The following ATP10B variants were observed in gnomAD, a reference collection of about 807,000 sequenced individuals.
ATP10B encodes ATPase phospholipid transporting 10B (putative).
A neutral mutation model predicts 141.2 loss-of-function variants in ATP10B; 122 were observed. The ratio of observed to expected loss-of-function variants is 0.86; its 90% CI spans 0.75 to 1.00. The LOEUF is 1.00. Among genes scored for constraint, ATP10B ranks in the 50% least tolerant of loss-of-function variants. The pLI is 0.00. For missense variants in ATP10B, 1,876 were observed against 1,825.3 expected, an observed-to-expected ratio of 1.03 and a Z score of -0.51; for synonymous variants, 685 against 692.0, an observed-to-expected ratio of 0.99 and a Z score of 0.16.
chr5:160,675,744 G>A (rs1459453317), intron 6 of ATP10B, among the ~76,000 whole-genome samples: 1 of 152,002 alleles, frequency 6.6e-6, no homozygotes, highest in Non-Finnish European at 1.5e-5. Flanking sequence ...GAGAGGCTTT[G>A]AATCCTGGCT....
chr5:160,574,724 C>CT (rs896071652), intron 24 of ATP10B, among the ~76,000 whole-genome samples: 4 of 151,326 alleles, frequency 2.6e-5, no homozygotes, highest in South Asian at 2.1e-4. Flanking sequence ...CATCCTAGTG[C>CT]TTTTTTTGCC....
At chr5:160,887,212 C>A in the ATP10B span, among the ~76,000 whole-genome samples, 16 of 152,106 alleles carry the variant, frequency 1.1e-4, no homozygotes, top group Non-Finnish European at 2.2e-4. Context: ...ATGCTCAAGT[C>A]CTTGATATAA....
chr5:160,620,701 C>T lies in ATP10B; in HGVS notation c.2062G>A (p.Gly688Ser). The T allele has an allele frequency of 1.9e-6, 3 of 1,614,178 alleles. No homozygotes were observed. The highest frequency in any genetic ancestry group is 2.5e-6 in the Non-Finnish European group (3 of 1,180,006). ...GGYRSSMWDQ[G>S]DILESGSGTS... ...CCTGACCCAGACTCCAGGATGTCGC[C>T]CTGGTCCCACATGCTGCTCCTGTAG... Residue 688 changes from glycine to serine, a missense_variant, in exon 15 of 26, where the codon GGC becomes AGC. Physicochemically the swap from Gly to Ser is moderately conservative, Grantham distance 56. Coordinates refer to ENST00000327245, the MANE Select transcript of ATP10B (RefSeq NM_025153.3).
At chr5:160,927,950 G>A in the ATP10B span, among the ~76,000 whole-genome samples, 1 of 152,190 alleles carries the variant, frequency 6.6e-6, no homozygotes, top group Non-Finnish European at 1.5e-5. Context: ...CTAATATTGG[G>A]AAAAGCCAAG....
upstream of ATP10B, among the ~76,000 whole-genome samples, chr5:160,853,119 T>C (rs944240162): frequency 1.3e-5 from 2 of 152,196 alleles, no homozygotes; most frequent in African/African-American, 2.4e-5. Flanking sequence ...ATCTAAAATC[T>C]GCATCGCTGT....
intron 10 of ATP10B, among the ~76,000 whole-genome samples, chr5:160,638,555 C>T (rs941458785): frequency 6.6e-6 from 1 of 152,110 alleles, no homozygotes; most frequent in East Asian, 1.9e-4. Context: ...TGTGAGCCAG[C>T]CTCAAGTGGA....
At chr5:160,639,604 C>T (rs933937479) in intron 10 of ATP10B, among the ~76,000 whole-genome samples, 2 of 152,178 alleles carry the variant, frequency 1.3e-5, no homozygotes, top group African/African-American at 4.8e-5. Context: ...AGCCTTCCTT[C>T]AGAGCCTCTA....
At chr5:160,922,314 T>C in the ATP10B span, among the ~76,000 whole-genome samples, 1 of 152,218 alleles carries the variant, frequency 6.6e-6, no homozygotes, top group African/African-American at 2.4e-5. Context: ...TTTCTTCATG[T>C]GCAAAATGTA....
intron 3 of ATP10B, among the ~76,000 whole-genome samples, chr5:160,714,899 T>C (rs1280601313): frequency 6.8e-6 from 1 of 146,514 alleles, no homozygotes; most frequent in Non-Finnish European, 1.5e-5. Flanking sequence ...GTGGCCCTGC[T>C]GGGGGGTGCC....
intron 1 of ATP10B, among the ~76,000 whole-genome samples, chr5:160,788,610 G>C (rs950168702): frequency 1.2e-4 from 19 of 152,212 alleles, no homozygotes; most frequent in Non-Finnish European, 2.5e-4. Context: ...TCAACTCCCT[G>C]CCTCTCTTCT....
chr5:160,911,721 G>T, the ATP10B span, among the ~76,000 whole-genome samples: 1 of 152,204 alleles, frequency 6.6e-6, no homozygotes. Flanking sequence ...CAGGAGGTCT[G>T]AGAGGGGAAG....
At chr5:160,590,217 A>G (rs972901364) in intron 23 of ATP10B, among the ~76,000 whole-genome samples, 2 of 152,114 alleles carry the variant, frequency 1.3e-5, no homozygotes, top group African/African-American at 4.8e-5. Context: ...CGGTTTGTAG[A>G]ACTCCAGAGT....
At chr5:160,808,869 T>C (rs543591874) in intron 1 of ATP10B, among the ~76,000 whole-genome samples, 1 of 152,336 alleles carries the variant, frequency 6.6e-6, no homozygotes, top group South Asian at 2.1e-4. Context: ...GCTCGAAGTC[T>C]GAAATCAAGG....
intron 6 of ATP10B, among the ~76,000 whole-genome samples, chr5:160,678,864 G>A (rs1349458405): frequency 6.6e-6 from 1 of 152,106 alleles, no homozygotes; most frequent in Non-Finnish European, 1.5e-5. Context: ...AAAAGCCCAG[G>A]TCCCATGTCA....
intron 12 of ATP10B, 22 bp from the exon 13 acceptor site, chr5:160,632,389 A>C: frequency 6.2e-7 from 1 of 1,604,298 alleles, no homozygotes. Context: ...GAGTCCTGTT[A>C]TTGCACTAGT....
intron 7 of ATP10B, among the ~76,000 whole-genome samples, chr5:160,654,520 T>C (rs188112973): frequency 6.6e-6 from 1 of 152,294 alleles, no homozygotes; most frequent in East Asian, 1.9e-4. Flanking sequence ...TCTGCAGCTC[T>C]TTAGGTCAGA....
At chr5:160,696,248 A>C (rs1764356309) in intron 3 of ATP10B, among the ~76,000 whole-genome samples, 2 of 152,074 alleles carry the variant, frequency 1.3e-5, no homozygotes, top group African/African-American at 2.4e-5. Flanking sequence ...CTGGGATTAC[A>C]GGCACCCGCC....
At chr5:160,603,592 A>T (rs763300674) in intron 20 of ATP10B, 4 of 226,310 alleles carry the variant, frequency 1.8e-5, no homozygotes, top group Non-Finnish European at 3.6e-5. Flanking sequence ...GCAAAAGTTA[A>T]CATTTCAGAA....
chr5:160,810,474 G>C (rs564809270), intron 1 of ATP10B, among the ~76,000 whole-genome samples: 2 of 152,100 alleles, frequency 1.3e-5, no homozygotes, highest in African/African-American at 4.8e-5. Flanking sequence ...ATGAAGATTT[G>C]TTTATGTCTA....
Sources: allele counts gnomAD v4.1 joint callset (sites outside exome capture counted in the v4.1 genomes callset), GRCh38; gene constraint gnomAD v4.1.1; transcripts MANE v1.5; gene names NCBI Gene and HGNC (gene_info 2026-07-23, HGNC 2026-07-21).